Variants in MED13L observed in about 807,000 individuals in gnomAD.
The protein encoded by MED13L is mediator of RNA polymerase II transcription subunit 13-like.
MED13L carries 7 observed loss-of-function variants against 220.9 expected under a neutral mutation model. The observed-to-expected ratio is 0.03, with a 90% CI of 0.02 to 0.06. The LOEUF is 0.06. Ranked by LOEUF, MED13L falls within the 10% of genes least tolerant of loss-of-function variation. The pLI is 1.00. For synonymous variants in MED13L, 1,011 were observed against 1,015.2 expected (o/e 1.00, Z 0.08); for missense variants, 1,965 against 2,760.5 (o/e 0.71, Z 6.46).
chr12:116,164,384 A>G (rs1879100083), intron 2 of MED13L, among the ~76,000 whole-genome samples: 1 of 152,230 alleles, frequency 6.6e-6, no homozygotes, highest in African/African-American at 2.4e-5. Flanking sequence ...AAAGAAAAAA[A>G]CCAACAACAA....
intron 1 of MED13L, among the ~76,000 whole-genome samples, chr12:116,254,285 T>C (rs901308209): frequency 6.6e-6 from 1 of 152,094 alleles, no homozygotes; most frequent in East Asian, 1.9e-4. Flanking sequence ...CAAAGAAAGA[T>C]ATAAACCCAT....
At chr12:116,079,786 C>T (rs1348596959) in intron 4 of MED13L, among the ~76,000 whole-genome samples, 2 of 152,240 alleles carry the variant, frequency 1.3e-5, no homozygotes, top group East Asian at 3.9e-4. Flanking sequence ...ATTCACCAGC[C>T]TCAGCCTTCC....
intron 2 of MED13L, among the ~76,000 whole-genome samples, chr12:116,183,723 A>G (rs544019924): frequency 6.6e-6 from 1 of 152,062 alleles, no homozygotes; most frequent in East Asian, 1.9e-4. Flanking sequence ...ATTAGGTAGC[A>G]CTGCATTTTT....
intron 6 of MED13L, 75 bp downstream of exon 6, chr12:116,019,703 A>T: frequency 6.7e-7 from 1 of 1,490,704 alleles, no homozygotes. Flanking sequence ...TTTCTGAAGA[A>T]TCTAAATGAT....
intron 30 of MED13L, among the ~76,000 whole-genome samples, chr12:115,963,041 A>G (rs564742535): frequency 4.9e-4 from 75 of 152,292 alleles, no homozygotes; most frequent in Admixed American, 2.0e-3. Flanking sequence ...ACAAAAATAC[A>G]TAATCTATCT....
chr12:116,110,291 G>A (rs1200447523), intron 3 of MED13L: 2 of 151,098 alleles, frequency 1.3e-5, no homozygotes, highest in African/African-American at 4.9e-5. Context: ...AATAAATGAT[G>A]GTAAAAATCA....
At chr12:116,200,883 T>C (rs373112505) in intron 2 of MED13L, among the ~76,000 whole-genome samples, 1 of 152,210 alleles carries the variant, frequency 6.6e-6, no homozygotes, top group East Asian at 1.9e-4. Context: ...CGGGTAGCTT[T>C]TGTCTTTTTA....
chr12:116,008,327 T>G, intron 10 of MED13L, 74 bp downstream of exon 10: 4 of 1,520,206 alleles, frequency 2.6e-6, no homozygotes, highest in Non-Finnish European at 3.5e-6. Flanking sequence ...AATCTGAAAG[T>G]TTAGCAGGTA....
At chr12:116,022,378 C>T (rs896797666) in intron 5 of MED13L, 78 bp downstream of exon 5, 1 of 1,550,734 alleles carries the variant, frequency 6.4e-7, no homozygotes, top group Non-Finnish European at 8.9e-7. Flanking sequence ...AAGGTCTCAC[C>T]CTGCAAAACT....
intron 2 of MED13L, among the ~76,000 whole-genome samples, chr12:116,118,529 A>C (rs576070828): frequency 3.3e-5 from 5 of 152,338 alleles, no homozygotes; most frequent in Admixed American, 1.3e-4. Context: ...AATTTAGGCT[A>C]TGAAATTAAG....
intron 1 of MED13L, among the ~76,000 whole-genome samples, chr12:116,240,969 G>A (rs2138475569): frequency 6.6e-6 from 1 of 152,184 alleles, no homozygotes; most frequent in South Asian, 2.1e-4. Flanking sequence ...AAAGTATTCT[G>A]TGCCTAAGAG....
rs374881943 is a variant in MED13L at position 115,987,250 on chromosome 12, G to A, written c.3973C>T (p.Arg1325Cys). Reference protein sequence around the residue: ...ISMLSSQDVVRMLLSLQPFLQ... With the variant: ...ISMLSSQDVVCMLLSLQPFLQ... ...AAGGGCTGCAGGGACAACAGCATAC[G>A]AACCACATCCTGGGAGGAGAGCATG... Residue 1325 changes from arginine (R) to cysteine (C), a missense_variant, in exon 18 of 31, where the codon CGT (arginine) becomes TGT (cysteine). By Grantham distance (180) the Arg-to-Cys change is radical. Transcript: ENST00000281928. 2.0e-5 allele frequency: 33 copies of A among 1,613,566 alleles called. No homozygotes were observed. The highest frequency in any genetic ancestry group is 2.6e-5 in the Non-Finnish European group (31 of 1,180,006).
At chr12:116,180,567 T>G (rs942967618) in intron 2 of MED13L, among the ~76,000 whole-genome samples, 4 of 152,064 alleles carry the variant, frequency 2.6e-5, no homozygotes, top group Non-Finnish European at 4.4e-5. Flanking sequence ...TCCCAAGCGT[T>G]TCAAATAGGG....
At chr12:115,972,478 G>C (rs558140478) in intron 25 of MED13L, 4 of 499,022 alleles carry the variant, frequency 8.0e-6, no homozygotes, top group South Asian at 3.9e-5. Flanking sequence ...AATGACCTTT[G>C]AGAGTCCAGC....
chr12:116,095,911 T>G (rs1413293911), intron 4 of MED13L, among the ~76,000 whole-genome samples: 1 of 152,158 alleles, frequency 6.6e-6, no homozygotes, highest in Admixed American at 6.5e-5. Flanking sequence ...GGCTAAAAGT[T>G]TAGGATTGTT....
chr12:116,102,703 C>CTTTTTTTTTTTTTTTTTTTTTTTTT (rs1278266842), intron 3 of MED13L, among the ~76,000 whole-genome samples: 2 of 63,216 alleles, frequency 3.2e-5, no homozygotes, highest in East Asian at 5.4e-4. Context: ...TTTTCTTTTT[C>CTTTTTTTTTTTTTTTTTTTTTTTTT]TTTTTTCTTT....
intron 1 of MED13L, among the ~76,000 whole-genome samples, chr12:116,250,042 A>AAAAAAAAAC (rs1871390805): frequency 6.7e-6 from 1 of 149,476 alleles, no homozygotes; most frequent in East Asian, 1.9e-4. Flanking sequence ...AAAAAAAAAA[A>AAAAAAAAAC]AAAAAAACAC....
chr12:116,268,999 G>C (rs1007859892), intron 1 of MED13L, among the ~76,000 whole-genome samples: 10 of 152,062 alleles, frequency 6.6e-5, no homozygotes, highest in African/African-American at 2.4e-4. Context: ...TTGTTACATA[G>C]GTAAACATGT....
intron 1 of MED13L, among the ~76,000 whole-genome samples, chr12:116,251,315 T>TC (rs1429068619): frequency 2.9e-5 from 3 of 101,712 alleles, no homozygotes; most frequent in Admixed American, 9.8e-5. Flanking sequence ...ATCCTTTTTT[T>TC]TTTTTTTTTT....
Sources: allele counts gnomAD v4.1 joint callset (sites outside exome capture counted in the v4.1 genomes callset), GRCh38; gene constraint gnomAD v4.1.1; transcripts MANE v1.5; gene names NCBI Gene and HGNC (gene_info 2026-07-23, HGNC 2026-07-21).